The following FAM200B variants were observed in gnomAD, a reference collection of about 807,000 sequenced individuals.
FAM200B encodes the protein protein FAM200B.
A neutral mutation model predicts 33.1 loss-of-function variants in FAM200B; 32 were observed. The observed-to-expected ratio is 0.97, with a 90% CI of 0.73 to 1.30. FAM200B has a LOEUF of 1.30. Ranked by LOEUF, FAM200B falls within the 50% of genes most tolerant of loss-of-function variation. FAM200B has a pLI of 0.00. For missense variants in FAM200B, 741 were observed against 754.0 expected (o/e 0.98, Z 0.20); for synonymous variants, 240 against 264.8 (o/e 0.91, Z 0.91).
chr4:15,637,896 T>A, the FAM200B span, among the ~76,000 whole-genome samples: 1 of 126,928 alleles, frequency 7.9e-6, no homozygotes. Flanking sequence ...GAGGAACTAG[T>A]TTTTTTAAAA....
At chr4:15,640,564 A>T in the FAM200B span, among the ~76,000 whole-genome samples, 3 of 152,076 alleles carry the variant, frequency 2.0e-5, no homozygotes, top group African/African-American at 7.2e-5. Context: ...TTTCCTGAGT[A>T]AATTAATTAA....
Position 15,686,993 on chromosome 4 carries a change from A to C in FAM200B, c.16A>C (p.Ile6Leu), listed in dbSNP as rs1185347275. Reference protein sequence around the residue: MDHFFIKRKRNSEVKY... With the variant: MDHFFLKRKRNSEVKY... ...TGCTATTAAAATGGATCATTTCTTT[A>C]TTAAAAGAAAGAGGAATAGTGAAGT... The change falls in exon 2 of 2, where the codon ATT becomes CTT. Residue 6 changes from isoleucine to leucine, a missense_variant. Coordinates refer to ENST00000422728, the MANE Select transcript of FAM200B (RefSeq NM_001145191.2). 1.4e-5 allele frequency: 20 copies of C among 1,390,086 alleles called. No individual in the cohort carries two copies. The highest frequency in any genetic ancestry group is 1.9e-5 in the Non-Finnish European group (20 of 1,047,906). The allele number at this position is 1,390,086 out of a possible 1,614,324, so 86.1% of individuals were successfully genotyped here.
the FAM200B span, among the ~76,000 whole-genome samples, chr4:15,663,872 C>A: frequency 6.6e-6 from 1 of 152,180 alleles, no homozygotes; most frequent in Non-Finnish European, 1.5e-5. Context: ...TGTTCATTGA[C>A]TTACCCTGGC....
the FAM200B span, among the ~76,000 whole-genome samples, chr4:15,670,273 A>G: frequency 6.6e-6 from 1 of 152,218 alleles, no homozygotes; most frequent in Admixed American, 6.5e-5. Flanking sequence ...TCTTGGGTAA[A>G]TACCTAGGAG....
chr4:15,672,565 A>T, the FAM200B span, among the ~76,000 whole-genome samples: 1 of 152,222 alleles, frequency 6.6e-6, no homozygotes, highest in East Asian at 1.9e-4. Context: ...TAGTAAAAAT[A>T]CAGTATGAAA....
At chr4:15,653,988 T>C in the FAM200B span, among the ~76,000 whole-genome samples, 23 of 152,228 alleles carry the variant, frequency 1.5e-4, no homozygotes, top group African/African-American at 4.8e-4. Context: ...TTCCAACTCA[T>C]GTGAACTGGG....
In FAM200B at chr4:15,687,052, T is replaced by C. The variant is rs1314858003; in HGVS notation, c.75T>C (p.Val25=). ...CAGAAGCATGTTCAAGTTCATCTGT[T>C]GAATCTGGAATTGTGAATAGTGACA... is the stretch of plus-strand genomic sequence containing the variant. ...KYTEACSSSS[V]ESGIVNSDNI... Residue 25 remains valine, a synonymous_variant, in exon 2 of 2, where the codon GTT becomes GTC. Coordinates refer to ENST00000422728, the MANE Select transcript of FAM200B (RefSeq NM_001145191.2). 6.5e-7 allele frequency: 1 copy of C among 1,533,164 alleles called. No homozygotes were observed. Among genetic ancestry groups the C allele is most frequent in the Non-Finnish European group, 8.8e-7 (1 of 1,135,092 alleles). The allele number at this position is 1,533,164 out of a possible 1,614,324, so 95.0% of individuals were successfully genotyped here. A position where few individuals can be genotyped will look rare whatever the true frequency, so the allele number is the denominator to read the frequency against.
At chr4:15,669,634 T>C in the FAM200B span, among the ~76,000 whole-genome samples, 8 of 152,304 alleles carry the variant, frequency 5.3e-5, no homozygotes, top group African/African-American at 1.4e-4. Flanking sequence ...TCAATGATCA[T>C]CAACCCACAG....
Position 15,687,092 on chromosome 4 carries a change from AC to A in FAM200B, c.116del (p.Thr39MetfsTer20), listed in dbSNP as rs1718922995. On this transcript the variant is annotated frameshift_variant, in exon 2 of 2. Coordinates refer to ENST00000422728, the MANE Select transcript of FAM200B (RefSeq NM_001145191.2). LOFTEE classifies it high-confidence loss of function. ...GAATAGTGACAATATTGAGAAAAAT[AC>A]TGACTCCAATCTGCAAACTTCAACT... Reference protein sequence around the residue: ...IVNSDNIEKNTDSNLQTSTSF... With the variant: ...IVNSDNIEKNXDSNLQTSTSF... The A allele has an allele frequency of 1.3e-6, 2 of 1,548,676 alleles. No homozygotes were observed. Among genetic ancestry groups the A allele is most frequent in the South Asian group, 2.4e-5 (2 of 83,266 alleles).
At chr4:15,655,491 A>ACGGGGCGGGCGCATGCGCAAG in the FAM200B span, 1 of 655,956 alleles carries the variant, frequency 1.5e-6, no homozygotes, top group Non-Finnish European at 1.9e-6. Flanking sequence ...GGGCGCGCGC[A>ACGGGGCGGGCGCATGCGCAAG]GAGGCTCGCG....
chr4:15,672,284 C>T, the FAM200B span, among the ~76,000 whole-genome samples: 1 of 152,194 alleles, frequency 6.6e-6, no homozygotes. Flanking sequence ...GTGGAAACAG[C>T]CAATATTCCC....
chr4:15,640,845 T>C, the FAM200B span: 1 of 1,561,478 alleles, frequency 6.4e-7, no homozygotes, highest in Non-Finnish European at 8.6e-7. Context: ...CCAATCTCTC[T>C]TTCAGTTGTT....
At chr4:15,636,988 T>C in the FAM200B span, among the ~76,000 whole-genome samples, 2 of 152,164 alleles carry the variant, frequency 1.3e-5, no homozygotes, top group African/African-American at 4.8e-5. Flanking sequence ...TTAAGCAGCA[T>C]CACTTGAAAA....
At chr4:15,640,841 T>C in the FAM200B span, 1 of 1,562,664 alleles carries the variant, frequency 6.4e-7, no homozygotes, top group South Asian at 1.2e-5. Flanking sequence ...GCCTCCAATC[T>C]CTCTTTCAGT....
the FAM200B span, among the ~76,000 whole-genome samples, chr4:15,669,966 A>G: frequency 8.5e-5 from 13 of 152,328 alleles, no homozygotes; most frequent in Admixed American, 6.5e-4. Flanking sequence ...TTTGCAACAT[A>G]TGGAAAAGGA....
At chr4:15,655,039 G>A in the FAM200B span, among the ~76,000 whole-genome samples, 27 of 150,894 alleles carry the variant, frequency 1.8e-4, no homozygotes, top group Non-Finnish European at 3.0e-4. Context: ...CGCAGCGGGC[G>A]GGCAGGCTGC....
At chr4:15,680,576 T>C (rs1313163315), upstream of FAM200B, among the ~76,000 whole-genome samples, 2 of 151,508 alleles carry the variant, frequency 1.3e-5, no homozygotes, top group Non-Finnish European at 2.9e-5. Context: ...ACTCGGGAGG[T>C]TGTGGCAGGG....
the FAM200B span, among the ~76,000 whole-genome samples, chr4:15,637,739 A>G: frequency 1.3e-5 from 2 of 152,294 alleles, no homozygotes; most frequent in African/African-American, 4.8e-5. Flanking sequence ...AACTTGTAAA[A>G]TTATTTTAGT....
the FAM200B span, among the ~76,000 whole-genome samples, chr4:15,648,444 C>T: frequency 6.6e-6 from 1 of 152,152 alleles, no homozygotes; most frequent in Non-Finnish European, 1.5e-5. Context: ...ATGTTCAATG[C>T]AGCATTATTC....
Sources: gnomAD v4.1 joint callset for allele counts (sites outside exome capture counted in the v4.1 genomes callset) on GRCh38, gnomAD v4.1.1 for gene constraint, MANE v1.5 for transcripts, NCBI Gene and HGNC (gene_info 2026-07-23, HGNC 2026-07-21) for gene names.